The following KIAA1549L variants were observed in gnomAD, a reference collection of about 807,000 sequenced individuals.
The protein encoded by KIAA1549L is UPF0606 protein KIAA1549L.
KIAA1549L carries 88 observed loss-of-function variants against 160.7 expected under a neutral mutation model. The ratio of observed to expected loss-of-function variants is 0.55; its 90% CI spans 0.46 to 0.65. The LOEUF (loss-of-function observed/expected upper bound fraction) is 0.65, where lower values mean the gene tolerates loss of function less well. KIAA1549L is among the 30% of genes least tolerant of loss of function. The probability of loss-of-function intolerance (pLI) is 0.00; values close to 1 mark genes in which losing one functional copy is unlikely to be tolerated. For synonymous variants in KIAA1549L, 950 were observed against 976.7 expected, an observed-to-expected ratio of 0.97 and a Z score of 0.51; for missense variants, 2,258 against 2,437.5, an observed-to-expected ratio of 0.93 and a Z score of 1.55.
At chr11:33,596,347 A>G (rs976748278) in intron 12 of KIAA1549L, among the ~76,000 whole-genome samples, 3 of 152,196 alleles carry the variant, frequency 2.0e-5, no homozygotes, top group Non-Finnish European at 4.4e-5. Context: ...GGGTTTTGCT[A>G]CAGAAATTTG....
chr11:33,661,531 T>A (rs1459081784), intron 20 of KIAA1549L, among the ~76,000 whole-genome samples: 1 of 152,230 alleles, frequency 6.6e-6, no homozygotes, highest in Non-Finnish European at 1.5e-5. Context: ...TCGTTTCTTT[T>A]AGCATAATAA....
At chr11:33,482,716 C>T (rs1350847693) in intron 1 of KIAA1549L, among the ~76,000 whole-genome samples, 4 of 151,574 alleles carry the variant, frequency 2.6e-5, no homozygotes, top group Admixed American at 6.6e-5. Context: ...ATTATAGGCA[C>T]GTGCCACCAT....
chr11:33,613,234 G>A (rs1850692528), intron 15 of KIAA1549L, among the ~76,000 whole-genome samples: 1 of 152,144 alleles, frequency 6.6e-6, no homozygotes, highest in East Asian at 1.9e-4. Flanking sequence ...GTGTATAAGA[G>A]TTCCCTTTTT....
intron 1 of KIAA1549L, among the ~76,000 whole-genome samples, chr11:33,388,562 AT>A (rs112305602): frequency 0.13 from 19,275 of 151,728 alleles, 2,165 homozygotes; most frequent in African/African-American, 0.31. Context: ...CCTCAACTTA[AT>A]TTTTTTTTAA....
At chr11:33,526,908 A>T (rs757671535) in intron 1 of KIAA1549L, among the ~76,000 whole-genome samples, 3 of 152,188 alleles carry the variant, frequency 2.0e-5, no homozygotes, top group Non-Finnish European at 4.4e-5. Flanking sequence ...TTAAAAAATA[A>T]TAGAGGATAT....
chr11:33,529,044 A>C (rs1039094336), intron 1 of KIAA1549L, among the ~76,000 whole-genome samples: 6 of 152,238 alleles, frequency 3.9e-5, no homozygotes, highest in South Asian at 2.1e-4. Context: ...TGGGAGTATA[A>C]GAATTTATTG....
At chr11:33,501,368 T>C (rs1336252878) in intron 1 of KIAA1549L, among the ~76,000 whole-genome samples, 4 of 152,208 alleles carry the variant, frequency 2.6e-5, no homozygotes, top group African/African-American at 9.6e-5. Flanking sequence ...AGATAACATA[T>C]CTCTCACTGT....
At chr11:33,617,150 A>G (rs1232474892) in intron 15 of KIAA1549L, among the ~76,000 whole-genome samples, 1 of 151,054 alleles carries the variant, frequency 6.6e-6, no homozygotes, top group African/African-American at 2.4e-5. Flanking sequence ...AAAAAAAAAA[A>G]GGAATGTTTG....
intron 13 of KIAA1549L, among the ~76,000 whole-genome samples, chr11:33,601,119 G>A (rs192687189): frequency 6.6e-5 from 10 of 152,278 alleles, no homozygotes; most frequent in African/African-American, 2.2e-4. Context: ...ACTATGCCAG[G>A]TTGAGGTTTT....
chr11:33,549,258 G>A (rs1854373149), intron 4 of KIAA1549L, among the ~76,000 whole-genome samples: 1 of 152,142 alleles, frequency 6.6e-6, no homozygotes, highest in African/African-American at 2.4e-5. Context: ...AATAAAAGGT[G>A]ATGGTAAGAA....
chr11:33,617,555 A>G (rs1850844762), intron 15 of KIAA1549L, among the ~76,000 whole-genome samples: 1 of 152,210 alleles, frequency 6.6e-6, no homozygotes, highest in African/African-American at 2.4e-5. Flanking sequence ...TCACCTCCCC[A>G]GAGAGGCCTT....
chr11:33,561,916 C>A lies in KIAA1549L; in HGVS notation c.4078+181C>A, dbSNP rs117816467. Among the ~76,000 whole-genome samples the A allele has an allele frequency of 6.7e-4, 102 of 152,286 alleles. 3 individuals carry two copies. The East Asian group carries it at 0.018, about 27-fold the overall frequency. The stretch of plus-strand genomic sequence containing the variant: ...AGCTGAGATGAGAAAAGACATCACA[C>A]TGAAGATGAATATTAGCTAAACAAT... On this transcript the variant is annotated intron_variant, in intron 8 of 20. Transcript: ENST00000658780.
intron 17 of KIAA1549L, among the ~76,000 whole-genome samples, chr11:33,651,326 A>C (rs1387279991): frequency 1.3e-5 from 2 of 151,948 alleles, no homozygotes; most frequent in East Asian, 3.9e-4. Flanking sequence ...CATCCCAGCT[A>C]CTCGGGAGGC....
chr11:33,416,065 A>G (rs1022614568), intron 1 of KIAA1549L, among the ~76,000 whole-genome samples: 1 of 152,026 alleles, frequency 6.6e-6, no homozygotes, highest in Non-Finnish European at 1.5e-5. Flanking sequence ...ACCAACCAAT[A>G]AAAAGGCTCT....
intron 1 of KIAA1549L, among the ~76,000 whole-genome samples, chr11:33,383,699 A>G (rs1430383586): frequency 6.6e-6 from 1 of 152,062 alleles, no homozygotes; most frequent in African/African-American, 2.4e-5. Flanking sequence ...GCAGGTGGGT[A>G]AAGTACTTCC....
At chr11:33,583,923 G>T (rs908626467) in intron 11 of KIAA1549L, among the ~76,000 whole-genome samples, 1 of 152,184 alleles carries the variant, frequency 6.6e-6, no homozygotes, top group African/African-American at 2.4e-5. Flanking sequence ...GTAGAATAAG[G>T]TCTGCTATGT....
intron 4 of KIAA1549L, among the ~76,000 whole-genome samples, chr11:33,548,334 G>C (rs970115982): frequency 5.3e-5 from 8 of 152,180 alleles, no homozygotes; most frequent in Non-Finnish European, 1.0e-4. Context: ...AGGATGTGGA[G>C]GTTGCAGTGA....
At chr11:33,377,385 G>A (rs1590208043) in intron 1 of KIAA1549L, among the ~76,000 whole-genome samples, 1 of 152,158 alleles carries the variant, frequency 6.6e-6, no homozygotes, top group South Asian at 2.1e-4. Context: ...TCCAATAATT[G>A]CTTGCACCTT....
At chr11:33,418,433 G>A (rs984275278) in intron 1 of KIAA1549L, among the ~76,000 whole-genome samples, 2 of 152,192 alleles carry the variant, frequency 1.3e-5, no homozygotes, top group Non-Finnish European at 2.9e-5. Flanking sequence ...TGGCAGACAA[G>A]GCCCTGTCCT....
Sources: allele counts gnomAD v4.1 joint callset (sites outside exome capture counted in the v4.1 genomes callset), GRCh38; gene constraint gnomAD v4.1.1; transcripts MANE v1.5; gene names NCBI Gene and HGNC (gene_info 2026-07-23, HGNC 2026-07-21).